RCAN2: variants seen among roughly 807,000 people sequenced by gnomAD.
The protein encoded by RCAN2 is regulator of calcineurin 2, also known as calcipressin-2.
Under a neutral mutation model 23.6 loss-of-function variants are expected in RCAN2, and 9 were observed. That is an observed-to-expected ratio of 0.38 (90% CI 0.23 to 0.67). The LOEUF (loss-of-function observed/expected upper bound fraction) is 0.67. Ranked by LOEUF, RCAN2 falls within the 30% of genes least tolerant of loss-of-function variation. The pLI is 0.51. For missense variants in RCAN2, 273 were observed against 302.3 expected (o/e 0.90, Z 0.72); for synonymous variants, 109 against 115.7 (o/e 0.94, Z 0.37).
chr6:46,453,180 T>C (rs1000367674), intron 2 of RCAN2, among the ~76,000 whole-genome samples: 3 of 152,176 alleles, frequency 2.0e-5, no homozygotes, highest in African/African-American at 7.2e-5. Context: ...GGGAGTGCTC[T>C]GAAGAGAAAT....
chr6:46,454,230 G>A (rs1767959131), intron 2 of RCAN2, among the ~76,000 whole-genome samples: 1 of 152,144 alleles, frequency 6.6e-6, no homozygotes, highest in Admixed American at 6.5e-5. Context: ...CTGACAGAAT[G>A]GAGTATGATA....
chr6:46,336,581 G>A (rs149093523), intron 2 of RCAN2, among the ~76,000 whole-genome samples: 2 of 152,182 alleles, frequency 1.3e-5, no homozygotes, highest in Non-Finnish European at 2.9e-5. Flanking sequence ...TGGAAAGCCT[G>A]AGCAGGGCAT....
intron 4 of RCAN2, among the ~76,000 whole-genome samples, chr6:46,242,100 C>T (rs943311046): frequency 2.6e-5 from 4 of 152,150 alleles, no homozygotes; most frequent in Admixed American, 1.3e-4. Flanking sequence ...ACGTGGCCCT[C>T]GTCTCCTGTC....
chr6:46,437,095 G>T (rs920073125), intron 2 of RCAN2, among the ~76,000 whole-genome samples: 1 of 152,152 alleles, frequency 6.6e-6, no homozygotes, highest in Admixed American at 6.5e-5. Context: ...GTTATACTCA[G>T]AAGCCATTAG....
intron 2 of RCAN2, among the ~76,000 whole-genome samples, chr6:46,318,399 A>T (rs1763510392): frequency 6.6e-6 from 1 of 152,222 alleles, no homozygotes; most frequent in South Asian, 2.1e-4. Flanking sequence ...ACATTAAAAA[A>T]AAGTATAGTT....
intron 2 of RCAN2, among the ~76,000 whole-genome samples, chr6:46,324,091 T>C (rs1763711355): frequency 6.6e-6 from 1 of 152,130 alleles, no homozygotes; most frequent in South Asian, 2.1e-4. Context: ...AAATGACTGC[T>C]CTCCCTTCTC....
intron 4 of RCAN2, among the ~76,000 whole-genome samples, chr6:46,227,385 G>A (rs2150304550): frequency 2.6e-5 from 4 of 152,242 alleles, no homozygotes; most frequent in Admixed American, 2.6e-4. Flanking sequence ...TGTACCTCTG[G>A]TAGAATTTGG....
chr6:46,274,257 G>C (rs1441998769), intron 2 of RCAN2, among the ~76,000 whole-genome samples: 1 of 152,092 alleles, frequency 6.6e-6, no homozygotes. Context: ...TTAATTGATG[G>C]TTTCTTTCAC....
Position 46,223,183 on chromosome 6 carries a change from G to A in RCAN2, c.690C>T (p.Ile230=). The A allele has an allele frequency of 1.2e-6, 2 of 1,613,880 alleles. No individual in the cohort carries two copies. Among genetic ancestry groups the A allele is most frequent in the Non-Finnish European group, 1.7e-6 (2 of 1,179,970 alleles). Residue 230 remains isoleucine, a synonymous_variant, in exon 5 of 5, where the codon ATC becomes ATT. Coordinates refer to ENST00000371374, the MANE Select transcript of RCAN2 (RefSeq NM_001251974.2). ...GTGGCAGGCCAGGACGCCGAGTTTG[G>A]ATGATTTTTGGCTTTGGGGAAGTCT... The part of the protein sequence containing the change: ...DPKTSPKPKI[I]QTRRPGLPPS...
At chr6:46,236,687 C>T (rs576520169) in intron 4 of RCAN2, among the ~76,000 whole-genome samples, 171 of 152,270 alleles carry the variant, frequency 1.1e-3, no homozygotes, top group Non-Finnish European at 1.7e-3. Context: ...TGTACTCACA[C>T]GTGAATATTC....
intron 2 of RCAN2, chr6:46,325,622 C>G (rs953716320): frequency 4.9e-6 from 7 of 1,438,540 alleles, no homozygotes; most frequent in Non-Finnish European, 6.4e-6. Context: ...TCCTGGAGCC[C>G]GCTCCCACTG....
intron 4 of RCAN2, among the ~76,000 whole-genome samples, chr6:46,246,282 G>A (rs1170071854): frequency 1.3e-5 from 2 of 152,292 alleles, no homozygotes; most frequent in African/African-American, 2.4e-5. Flanking sequence ...GACTTCTTAG[G>A]AACTTGGAGG....
chr6:46,285,915 T>C (rs945570089), intron 2 of RCAN2, among the ~76,000 whole-genome samples: 2 of 152,192 alleles, frequency 1.3e-5, no homozygotes, highest in African/African-American at 2.4e-5. Flanking sequence ...AGCCCATTCT[T>C]TGGGTCACTG....
chr6:46,269,462 T>A (rs554596825), intron 2 of RCAN2, among the ~76,000 whole-genome samples: 6 of 152,360 alleles, frequency 3.9e-5, no homozygotes, highest in Non-Finnish European at 8.8e-5. Flanking sequence ...ATCTCTTTTT[T>A]AAAAAAGATC....
intron 2 of RCAN2, among the ~76,000 whole-genome samples, chr6:46,452,646 C>T (rs900089591): frequency 8.5e-5 from 13 of 152,128 alleles, no homozygotes; most frequent in African/African-American, 2.7e-4. Flanking sequence ...AATCCTGACA[C>T]GCACCCAGGA....
intron 2 of RCAN2, among the ~76,000 whole-genome samples, chr6:46,250,076 A>G (rs963056789): frequency 1.2e-4 from 18 of 152,328 alleles, no homozygotes; most frequent in African/African-American, 4.1e-4. Context: ...ACTTTGTATG[A>G]GGCATGGTCT....
At chr6:46,403,173 G>A (rs1461360033) in intron 2 of RCAN2, among the ~76,000 whole-genome samples, 1 of 152,038 alleles carries the variant, frequency 6.6e-6, no homozygotes, top group Non-Finnish European at 1.5e-5. Context: ...CACCATGTTA[G>A]CCAGGATGGT....
chr6:46,263,475 ATGTG>A (rs57316214), intron 2 of RCAN2, among the ~76,000 whole-genome samples: 17 of 138,958 alleles, frequency 1.2e-4, no homozygotes, highest in South Asian at 7.1e-4. Flanking sequence ...GTGTGTGTGT[ATGTG>A]TGTGTGTGTG....
chr6:46,330,075 A>G (rs1369210872), intron 2 of RCAN2, among the ~76,000 whole-genome samples: 1 of 152,200 alleles, frequency 6.6e-6, no homozygotes, highest in African/African-American at 2.4e-5. Context: ...TTTATTATGG[A>G]GAATTTCAAA....
Sources: allele counts gnomAD v4.1 joint callset (sites outside exome capture counted in the v4.1 genomes callset), GRCh38; gene constraint gnomAD v4.1.1; transcripts MANE v1.5; gene names NCBI Gene and HGNC (gene_info 2026-07-23, HGNC 2026-07-21).